Variants in ERI3 observed in about 807,000 individuals in gnomAD.
ERI3 encodes ERI1 exoribonuclease family member 3.
Under a neutral mutation model 44.4 loss-of-function variants are expected in ERI3, and 18 were observed. The observed-to-expected ratio is 0.41, with a 90% CI of 0.28 to 0.60. The LOEUF is 0.60. Ranked by LOEUF, ERI3 falls within the 20% of genes least tolerant of loss-of-function variation. The pLI is 0.36. For synonymous variants in ERI3, 183 were observed against 164.8 expected (o/e 1.11, Z -0.84); for missense variants, 294 against 435.5 (o/e 0.68, Z 2.89).
At chr1:44,230,343 C>T (rs1000636757) in intron 8 of ERI3, 1 of 152,188 alleles carries the variant, frequency 6.6e-6, no homozygotes, top group Non-Finnish European at 1.5e-5. Context: ...GATGCCACAA[C>T]TAGAAGTGCC....
intron 7 of ERI3, among the ~76,000 whole-genome samples, chr1:44,278,288 A>G (rs1293672309): frequency 2.0e-5 from 3 of 152,070 alleles, no homozygotes. Context: ...ACCAGCCTGA[A>G]CAACATGGCG....
chr1:44,298,040 G>C (rs1056058607), intron 6 of ERI3, among the ~76,000 whole-genome samples: 4 of 152,246 alleles, frequency 2.6e-5, no homozygotes, highest in Admixed American at 6.5e-5. Context: ...AAGGACAGAA[G>C]AGCCTGGACA....
At chr1:44,333,865 C>A (rs1451821150) in intron 3 of ERI3, among the ~76,000 whole-genome samples, 1 of 152,152 alleles carries the variant, frequency 6.6e-6, no homozygotes, top group South Asian at 2.1e-4. Flanking sequence ...TGTCTGGAAA[C>A]GAGAAACTCC....
intron 3 of ERI3, among the ~76,000 whole-genome samples, chr1:44,325,731 G>C (rs867210676): frequency 6.6e-6 from 1 of 151,892 alleles, no homozygotes; most frequent in East Asian, 1.9e-4. Context: ...GCATGATCTC[G>C]GCTCACTGCA....
intron 6 of ERI3, among the ~76,000 whole-genome samples, chr1:44,293,938 C>G (rs111429022): frequency 6.6e-6 from 1 of 152,174 alleles, no homozygotes; most frequent in African/African-American, 2.4e-5. Flanking sequence ...TGAACCCAGC[C>G]GGGCAGAGAA....
intron 4 of ERI3, among the ~76,000 whole-genome samples, chr1:44,319,086 T>C (rs1388994565): frequency 6.6e-6 from 1 of 152,194 alleles, no homozygotes; most frequent in Non-Finnish European, 1.5e-5. Context: ...CCAAGTACAG[T>C]ACCCACCTAG....
At chr1:44,239,442 T>C (rs533348501) in intron 8 of ERI3, among the ~76,000 whole-genome samples, 1 of 152,262 alleles carries the variant, frequency 6.6e-6, no homozygotes, top group Non-Finnish European at 1.5e-5. Context: ...CAGGCCAGGA[T>C]AGAAAAGAAC....
Position 44,335,333 on chromosome 1 carries a change from C to G in ERI3, c.489+3712G>C, listed in dbSNP as rs542938663. Among the ~76,000 whole-genome samples the G allele has an allele frequency of 1.2e-4, 17 of 147,652 alleles. No individual in the cohort carries two copies. In the South Asian group the frequency reaches 3.2e-3, roughly 28 times the overall value. ...ATCACACACTGCACTCCAGCCTGGG[C>G]AACGGAGCAAGACTCTGTCTCAAAA... On this transcript the variant is annotated intron_variant, in intron 3 of 8. Coordinates refer to ENST00000372257, the MANE Select transcript of ERI3 (RefSeq NM_024066.3).
intron 3 of ERI3, among the ~76,000 whole-genome samples, chr1:44,326,666 T>C (rs1289142598): frequency 6.6e-6 from 1 of 152,194 alleles, no homozygotes; most frequent in Non-Finnish European, 1.5e-5. Flanking sequence ...GCTGTTTGGG[T>C]TTTAATTGCT....
chr1:44,253,417 C>A (rs1016343557), intron 7 of ERI3, among the ~76,000 whole-genome samples: 1 of 152,234 alleles, frequency 6.6e-6, no homozygotes, highest in Non-Finnish European at 1.5e-5. Flanking sequence ...ATTCTTGGTG[C>A]CATTGCTCAA....
At chr1:44,326,547 T>G (rs1646317810) in intron 3 of ERI3, among the ~76,000 whole-genome samples, 1 of 152,174 alleles carries the variant, frequency 6.6e-6, no homozygotes, top group Non-Finnish European at 1.5e-5. Context: ...TGGCTGCAAA[T>G]TCGAATTGCC....
At chr1:44,243,310 A>T (rs1644482951) in intron 8 of ERI3, 1 of 152,306 alleles carries the variant, frequency 6.6e-6, no homozygotes, top group Admixed American at 6.6e-5. Flanking sequence ...CCAGCCGGGC[A>T]TCAGGGAAGG....
At chr1:44,272,802 C>T (rs1317460585) in intron 7 of ERI3, among the ~76,000 whole-genome samples, 5 of 151,316 alleles carry the variant, frequency 3.3e-5, no homozygotes, top group Admixed American at 2.6e-4. Flanking sequence ...ATCATGCCAC[C>T]GCATTCCAGC....
At chr1:44,349,151 G>A (rs2154332280) in intron 2 of ERI3, among the ~76,000 whole-genome samples, 1 of 152,214 alleles carries the variant, frequency 6.6e-6, no homozygotes, top group South Asian at 2.1e-4. Flanking sequence ...TTCTGGGATT[G>A]TTTTTTGTTG....
chr1:44,314,047 G>T (rs1203575748), intron 4 of ERI3, among the ~76,000 whole-genome samples: 1 of 151,550 alleles, frequency 6.6e-6, no homozygotes, highest in Non-Finnish European at 1.5e-5. Flanking sequence ...AGGCCCCCAT[G>T]TCCTGGACAC....
chr1:44,238,083 G>A (rs1310658870), intron 8 of ERI3, among the ~76,000 whole-genome samples: 1 of 152,126 alleles, frequency 6.6e-6, no homozygotes, highest in Non-Finnish European at 1.5e-5. Context: ...CAGCACGGAG[G>A]CAGCCTCGAT....
At chr1:44,292,603 CAG>C (rs1048950959) in intron 6 of ERI3, among the ~76,000 whole-genome samples, 1 of 152,190 alleles carries the variant, frequency 6.6e-6, no homozygotes, top group Non-Finnish European at 1.5e-5. Context: ...CAAGGGCACT[CAG>C]AGACTCAGCT....
intron 7 of ERI3, among the ~76,000 whole-genome samples, chr1:44,281,601 A>AAAAAAAAAAAATATAT (rs1460400186): frequency 7.8e-6 from 1 of 128,056 alleles, no homozygotes; most frequent in African/African-American, 3.3e-5. Context: ...AAAAAAAAAA[A>AAAAAAAAAAAATATAT]ATATATATAT....
chr1:44,315,473 G>C (rs527483139), intron 4 of ERI3, among the ~76,000 whole-genome samples: 12 of 152,306 alleles, frequency 7.9e-5, no homozygotes, highest in African/African-American at 2.6e-4. Flanking sequence ...TCTGCTGCAG[G>C]ATGCCTCACT....
Sources: allele counts gnomAD v4.1 joint callset (sites outside exome capture counted in the v4.1 genomes callset), GRCh38; gene constraint gnomAD v4.1.1; transcripts MANE v1.5; gene names NCBI Gene and HGNC (gene_info 2026-07-23, HGNC 2026-07-21).